PXDNL: variants seen among roughly 807,000 people sequenced by gnomAD.
The protein encoded by PXDNL is peroxidasin like.
PXDNL carries 145 observed loss-of-function variants against 150.8 expected under a neutral mutation model. The observed-to-expected ratio is 0.96, with a 90% CI of 0.84 to 1.10. PXDNL has a LOEUF of 1.10. Among genes scored for constraint, PXDNL ranks in the 50% least tolerant of loss-of-function variants. PXDNL has a pLI of 0.00. For missense variants in PXDNL, 2,087 were observed against 1,873.9 expected, an observed-to-expected ratio of 1.11 and a Z score of -2.10; for synonymous variants, 757 against 725.7, an observed-to-expected ratio of 1.04 and a Z score of -0.69.
rs1483403827 is a variant in PXDNL at position 51,345,935 on chromosome 8, C to G, written c.3914G>C (p.Arg1305Thr). 6.2e-7 allele frequency: 1 copy of G among 1,609,648 alleles called. No individual in the cohort carries two copies. The highest frequency in any genetic ancestry group is 1.3e-5 in the African/African-American group (1 of 74,818). ...TTGCGTCACTGCTCTGAACTGTCCT[C>G]TACTCCTACAGTCTGTGGGGAAAGA... is the stretch of plus-strand genomic sequence containing the variant. ...WQDCCADCRS[R>T]GQFRAVTQES... Residue 1305 changes from arginine to threonine, a missense_variant, in exon 20 of 23, where the codon AGA (arginine) becomes ACA (threonine). Arg to Thr is a moderately conservative substitution (Grantham distance 71). Transcript: ENST00000356297.
intron 18 of PXDNL, among the ~76,000 whole-genome samples, chr8:51,372,742 A>G (rs1807164224): frequency 6.6e-6 from 1 of 152,236 alleles, no homozygotes; most frequent in Non-Finnish European, 1.5e-5. Flanking sequence ...GCAATGTAAC[A>G]TTAACACGTT....
chr8:51,639,329 G>T (rs1024659889), intron 2 of PXDNL, among the ~76,000 whole-genome samples: 1 of 152,170 alleles, frequency 6.6e-6, no homozygotes, highest in African/African-American at 2.4e-5. Context: ...AAAGCTAGCA[G>T]AAGGCAAGAA....
At chr8:51,522,596 C>A (rs1014831054) in intron 4 of PXDNL, among the ~76,000 whole-genome samples, 51 of 152,132 alleles carry the variant, frequency 3.4e-4, no homozygotes, top group Non-Finnish European at 1.8e-4. Flanking sequence ...GTAATCCCAG[C>A]ACTTTGGGGG....
intron 2 of PXDNL, among the ~76,000 whole-genome samples, chr8:51,626,272 T>G (rs1424508341): frequency 2.6e-5 from 4 of 152,212 alleles, no homozygotes; most frequent in Non-Finnish European, 5.9e-5. Context: ...TACAACTACA[T>G]AAACCGTGCA....
Position 51,475,089 on chromosome 8 carries a change from C to T in PXDNL, c.577G>A (p.Glu193Lys), listed in dbSNP as rs758900873. Residue 193 changes from glutamate (E) to lysine (K), a missense_variant, in exon 7 of 23, where the codon GAG becomes AAG. Coordinates refer to ENST00000356297, the MANE Select transcript of PXDNL (RefSeq NM_144651.5). The part of the protein sequence containing the change: ...VCDCDLMWLG[E>K]LLQGFAQHGH... ...TGTTGGGCAAAGCCTTGTAAAAGCT[C>T]CCCCAGCCACATCAGATCACAGTCA... 5 of 1,613,748 alleles carry T rather than the reference C, an allele frequency of 3.1e-6. No homozygotes were observed. The highest frequency in any genetic ancestry group is 4.2e-6 in the Non-Finnish European group (5 of 1,179,858).
chr8:51,378,663 C>T (rs1807431351), intron 17 of PXDNL, among the ~76,000 whole-genome samples: 1 of 151,824 alleles, frequency 6.6e-6, no homozygotes, highest in South Asian at 2.1e-4. Flanking sequence ...AGCTGTAACA[C>T]TCACTGTGAA....
chr8:51,791,574 T>C (rs569450058), intron 1 of PXDNL, among the ~76,000 whole-genome samples: 1 of 152,346 alleles, frequency 6.6e-6, no homozygotes, highest in South Asian at 2.1e-4. Flanking sequence ...TTCCATCTCG[T>C]TGGTCAAATT....
intron 1 of PXDNL, among the ~76,000 whole-genome samples, chr8:51,726,195 C>G (rs937185013): frequency 2.6e-5 from 4 of 152,230 alleles, no homozygotes; most frequent in African/African-American, 4.8e-5. Context: ...TAGTTCATTT[C>G]TCCCACTAAA....
At chr8:51,324,907 T>C (rs959232945) in intron 21 of PXDNL, among the ~76,000 whole-genome samples, 28 of 143,698 alleles carry the variant, frequency 1.9e-4, no homozygotes, top group African/African-American at 6.9e-4. Flanking sequence ...TTTGTTTATT[T>C]TGAGACAGAG....
At chr8:51,368,358 T>C (rs1387917146) in intron 19 of PXDNL, among the ~76,000 whole-genome samples, 4 of 152,200 alleles carry the variant, frequency 2.6e-5, no homozygotes, top group African/African-American at 7.2e-5. Flanking sequence ...GATGTAAATC[T>C]TGACTGCATT....
chr8:51,323,001 A>G lies in PXDNL; in HGVS notation c.4147-2104T>C, dbSNP rs182090553. Among the ~76,000 whole-genome samples, 222 of 152,326 alleles carry G rather than the reference A, an allele frequency of 1.5e-3. 1 individual carries two copies. Among genetic ancestry groups the G allele is most frequent in the Admixed American group, 3.5e-3 (53 of 15,296 alleles). ...GATGATAAGACAAATATTACAATGCAGGCTTGAATGACAAGGCTTCACAAT... is the reference window on the plus strand; with the variant it reads ...GATGATAAGACAAATATTACAATGCGGGCTTGAATGACAAGGCTTCACAAT... On this transcript the variant is annotated intron_variant, in intron 21 of 22. Coordinates refer to ENST00000356297, the MANE Select transcript of PXDNL (RefSeq NM_144651.5).
Position 51,329,858 on chromosome 8 carries a change from G to C in PXDNL, c.4147-8961C>G, listed in dbSNP as rs530859269. ...ATTTACTATAAGGAATTGGATCCAT[G>C]TTTATGGAGATTGAGAAGGGCCACA... is the stretch of plus-strand genomic sequence containing the variant. On this transcript the variant is annotated intron_variant, in intron 21 of 22. Coordinates refer to ENST00000356297, the MANE Select transcript of PXDNL (RefSeq NM_144651.5). Among the ~76,000 whole-genome samples the C allele has an allele frequency of 3.7e-4, 57 of 152,282 alleles. No homozygotes were observed. The South Asian group carries it at 0.011, about 30-fold the overall frequency.
intron 1 of PXDNL, among the ~76,000 whole-genome samples, chr8:51,664,703 G>A (rs938652938): frequency 6.6e-6 from 1 of 152,070 alleles, no homozygotes; most frequent in Admixed American, 6.5e-5. Context: ...TCCCAGCCTG[G>A]TTCTTGACCA....
intron 4 of PXDNL, among the ~76,000 whole-genome samples, chr8:51,503,564 A>G (rs1266046068): frequency 6.6e-6 from 1 of 152,170 alleles, no homozygotes; most frequent in African/African-American, 2.4e-5. Flanking sequence ...CCTCTCCTAC[A>G]TCTTATTTTT....
At chr8:51,329,496 C>G (rs747892064) in intron 21 of PXDNL, among the ~76,000 whole-genome samples, 2 of 152,036 alleles carry the variant, frequency 1.3e-5, no homozygotes, top group African/African-American at 4.8e-5. Context: ...ATTTACAAGG[C>G]GTGCTCCAAA....
chr8:51,788,520 T>G (rs2037480965), intron 1 of PXDNL, among the ~76,000 whole-genome samples: 1 of 152,244 alleles, frequency 6.6e-6, no homozygotes, highest in Admixed American at 6.5e-5. Context: ...ATTTGCACTT[T>G]AAGTCCTATG....
intron 3 of PXDNL, among the ~76,000 whole-genome samples, chr8:51,571,941 A>T (rs967613661): frequency 3.3e-5 from 5 of 151,862 alleles, no homozygotes; most frequent in Admixed American, 3.3e-4. Flanking sequence ...ATGACTATAG[A>T]TTATCCCTTA....
At chr8:51,795,754 G>C (rs1307678370) in intron 1 of PXDNL, among the ~76,000 whole-genome samples, 1 of 152,180 alleles carries the variant, frequency 6.6e-6, no homozygotes, top group East Asian at 1.9e-4. Context: ...CTGACACACA[G>C]ATACTCTGCT....
intron 17 of PXDNL, among the ~76,000 whole-genome samples, chr8:51,376,234 C>G (rs1326120211): frequency 6.6e-6 from 1 of 152,204 alleles, no homozygotes; most frequent in African/African-American, 2.4e-5. Flanking sequence ...TATCAAAATT[C>G]TCAATGTCAC....
Sources: gnomAD v4.1 joint callset for allele counts (sites outside exome capture counted in the v4.1 genomes callset) on GRCh38, gnomAD v4.1.1 for gene constraint, MANE v1.5 for transcripts, NCBI Gene and HGNC (gene_info 2026-07-23, HGNC 2026-07-21) for gene names.